ZFYVE1: variants seen among roughly 807,000 people sequenced by gnomAD.
ZFYVE1 encodes the protein zinc finger FYVE-type containing 1, also known as zinc finger FYVE domain-containing protein 1.
ZFYVE1 carries 30 observed loss-of-function variants against 74.4 expected under a neutral mutation model. The observed-to-expected ratio is 0.40, with a 90% confidence interval of 0.30 to 0.55. ZFYVE1 has a LOEUF of 0.55. ZFYVE1 is among the 20% of genes least tolerant of loss of function. The probability of loss-of-function intolerance (pLI) is 0.42; values close to 1 mark genes in which losing one functional copy is unlikely to be tolerated. For synonymous variants in ZFYVE1, 335 were observed against 385.1 expected, an observed-to-expected ratio of 0.87 and a Z score of 1.52; for missense variants, 703 against 1,011.6, an observed-to-expected ratio of 0.69 and a Z score of 4.14.
chr14:73,010,591 A>G (rs1372844898), intron 2 of ZFYVE1, among the ~76,000 whole-genome samples: 2 of 149,622 alleles, frequency 1.3e-5, no homozygotes, highest in Non-Finnish European at 3.0e-5. Flanking sequence ...CAAGAGTGAA[A>G]CTCCGTCTCA....
At chr14:72,995,216 T>A (rs1189609830) in intron 3 of ZFYVE1, among the ~76,000 whole-genome samples, 1 of 152,136 alleles carries the variant, frequency 6.6e-6, no homozygotes, top group Non-Finnish European at 1.5e-5. Flanking sequence ...TGCCTCAGCC[T>A]CCTGAGTAGC....
intron 2 of ZFYVE1, among the ~76,000 whole-genome samples, chr14:73,010,783 A>C (rs868573817): frequency 3.2e-4 from 48 of 150,770 alleles, no homozygotes; most frequent in Middle Eastern, 3.4e-3. Flanking sequence ...AAAAAAAAAA[A>C]AAAAAAAAAC....
intron 2 of ZFYVE1, among the ~76,000 whole-genome samples, chr14:73,015,719 A>G (rs1248098197): frequency 1.3e-5 from 2 of 152,100 alleles, no homozygotes; most frequent in Non-Finnish European, 2.9e-5. Context: ...CTAGAATAAC[A>G]TCTCTTTTAG....
Position 72,969,834 on chromosome 14 carries a change from G to A in ZFYVE1, c.*1048C>T. ...ATAAATTTTTTCTTTACGATCTGTT[G>A]AAATATTTATATAGACTTTTAAAAA... On this transcript the variant is annotated 3_prime_UTR_variant, in exon 12 of 12. Transcript: ENST00000556143. 1.5e-6 allele frequency: 1 copy of A among 673,348 alleles called. No individual in the cohort carries two copies. The highest frequency in any genetic ancestry group is 2.7e-6 in the Non-Finnish European group (1 of 375,428). 41.7% of individuals were successfully genotyped at this position (673,348 alleles called of 1,614,324 possible).
At chr14:73,009,574 G>A (rs1207864822) in intron 2 of ZFYVE1, among the ~76,000 whole-genome samples, 3 of 152,166 alleles carry the variant, frequency 2.0e-5, no homozygotes, top group Non-Finnish European at 4.4e-5. Flanking sequence ...GACCAACATG[G>A]TGAAACCCCC....
rs770504465 is a variant in ZFYVE1, at chr14:72,974,860, G to A, written c.1906C>T (p.Arg636Trp). The change falls in exon 10 of 12, where the codon CGG becomes TGG. Residue 636 changes from arginine (R) to tryptophan (W), a missense_variant. By Grantham distance (101) the Arg-to-Trp change is moderately radical. Coordinates refer to ENST00000556143, the MANE Select transcript of ZFYVE1 (RefSeq NM_021260.4). ...GFCDSCSSKT[R>W]PVPERGWGPA... ...CCCCAGCCCCGCTCAGGCACTGGCC[G>A]AGTCTTTGATGAACAGCTGTCACAG... The A allele has an allele frequency of 5.0e-6, 8 of 1,614,144 alleles. No individual in the cohort carries two copies. The highest frequency in any genetic ancestry group is 1.7e-5 in the Admixed American group (1 of 60,024).
At position 72,975,749 on chromosome 14, in the gene ZFYVE1, T is replaced by C. The variant is rs1246240345; in HGVS notation, c.1636-28A>G. On this transcript the variant is annotated intron_variant, in intron 8 of 11. Transcript: ENST00000556143. The surrounding 1 kb of genome is among the most constrained non-coding windows in gnomAD (Gnocchi z 4.1). Reference sequence around the variant, plus strand: ...GAAATGAAAACGCAGGCTTCCATCATGCTCTGAGAAGGGAGTGAAAGGAAG... The same window carrying C: ...GAAATGAAAACGCAGGCTTCCATCACGCTCTGAGAAGGGAGTGAAAGGAAG... The C allele has an allele frequency of 3.1e-6, 5 of 1,610,146 alleles. No homozygotes were observed. The highest frequency in any genetic ancestry group is 8.5e-7 in the Non-Finnish European group (1 of 1,177,828).
In ZFYVE1 at chr14:73,000,934, G is replaced by A. The variant is rs76274004; in HGVS notation, c.484-2619C>T. ...TCCACCCCTTGCTTCAATATGCGTC[G>A]GTTATTCTCACCTTTGGGGCATTTC... is the stretch of plus-strand genomic sequence containing the variant. On this transcript the variant is annotated intron_variant, in intron 2 of 11. Transcript: ENST00000556143. Among the ~76,000 whole-genome samples, 141 of 152,262 alleles carry A rather than the reference G, an allele frequency of 9.3e-4. 2 individuals carry two copies. In the East Asian group the frequency reaches 0.025, roughly 26 times the overall value.
intron 4 of ZFYVE1, among the ~76,000 whole-genome samples, chr14:72,984,464 C>T (rs926963075): frequency 3.3e-5 from 5 of 151,196 alleles, no homozygotes; most frequent in African/African-American, 7.3e-5. Flanking sequence ...GGGAGGCGGA[C>T]GTTACAGTGA....
chr14:72,992,661 CTTTT>C (rs1893648215), intron 4 of ZFYVE1, among the ~76,000 whole-genome samples: 2 of 135,480 alleles, frequency 1.5e-5, no homozygotes, highest in African/African-American at 5.7e-5. Context: ...CTTTCTCTTT[CTTTT>C]GCCTATCAAA....
chr14:72,980,292 A>G (rs901018303), intron 5 of ZFYVE1, among the ~76,000 whole-genome samples: 1 of 152,206 alleles, frequency 6.6e-6, no homozygotes, highest in Non-Finnish European at 1.5e-5. Context: ...TACTCCTGTA[A>G]AAGGAGAAGT....
chr14:72,981,636 C>A (rs1893332261), intron 5 of ZFYVE1, among the ~76,000 whole-genome samples, 153 bp downstream of exon 5: 1 of 152,170 alleles, frequency 6.6e-6, no homozygotes, highest in Non-Finnish European at 1.5e-5. Context: ...CTTGTGGGAA[C>A]ATGGGAGTGT....
At position 72,974,657 on chromosome 14, in the gene ZFYVE1, G is replaced by A. The variant is rs544573576; in HGVS notation, c.1987+122C>T. 31 of 1,312,156 alleles carry A rather than the reference G, an allele frequency of 2.4e-5. No homozygotes were observed. In the Admixed American group the frequency reaches 7.6e-4, roughly 32 times the overall value. 81.3% of individuals were successfully genotyped at this position (1,312,156 alleles called of 1,614,324 possible). A position where few individuals can be genotyped will look rare whatever the true frequency, so the allele number is the denominator to read the frequency against. ...AGGAGCTTAGAGGCTGACTGGCCAA[G>A]ACCAGAAGTACTCTCACAAGGGAGA... On this transcript the variant is annotated intron_variant, in intron 10 of 11. Coordinates refer to ENST00000556143, the MANE Select transcript of ZFYVE1 (RefSeq NM_021260.4).
chr14:72,990,688 CCTTTT>C (rs1893588147), intron 4 of ZFYVE1, among the ~76,000 whole-genome samples: 1 of 91,672 alleles, frequency 1.1e-5, no homozygotes, highest in Non-Finnish European at 2.3e-5. Flanking sequence ...CCGCACCTGG[CCTTTT>C]TTTTTTTTTT....
intron 2 of ZFYVE1, among the ~76,000 whole-genome samples, chr14:73,008,262 T>A (rs1330269592): frequency 2.6e-5 from 4 of 152,202 alleles, no homozygotes; most frequent in African/African-American, 9.6e-5. Flanking sequence ...CGGGTGCAAG[T>A]GATTCTCCTG....
intron 4 of ZFYVE1, among the ~76,000 whole-genome samples, chr14:72,991,022 C>T (rs957275823): frequency 2.6e-5 from 4 of 151,838 alleles, no homozygotes; most frequent in African/African-American, 7.3e-5. Context: ...TCATTTTAAT[C>T]GCAGAAAGCT....
At chr14:72,986,563 CTT>C (rs751115992) in intron 4 of ZFYVE1, among the ~76,000 whole-genome samples, 20 of 136,742 alleles carry the variant, frequency 1.5e-4, no homozygotes, top group Admixed American at 2.2e-4. Context: ...TCAGCTTTTC[CTT>C]TTTTTTTTTT....
chr14:72,984,690 T>A (rs1893432990), intron 4 of ZFYVE1, among the ~76,000 whole-genome samples: 1 of 152,194 alleles, frequency 6.6e-6, no homozygotes, highest in South Asian at 2.1e-4. Flanking sequence ...CTGAGACCCA[T>A]TCTTCAGGGA....
At chr14:73,021,955 A>G (rs1268113324) in intron 2 of ZFYVE1, among the ~76,000 whole-genome samples, 1 of 152,224 alleles carries the variant, frequency 6.6e-6, no homozygotes, top group African/African-American at 2.4e-5. Context: ...AAAGGTGCCA[A>G]TGCAATCCAT....
Sources: gnomAD v4.1 joint callset for allele counts (sites outside exome capture counted in the v4.1 genomes callset) on GRCh38, gnomAD v4.1.1 for gene constraint, Gnocchi (gnomAD v3.1) non-coding constraint, MANE v1.5 for transcripts, NCBI Gene and HGNC (gene_info 2026-07-23, HGNC 2026-07-21) for gene names.